The following FAM83B variants were observed in gnomAD, a reference collection of about 807,000 sequenced individuals.
FAM83B encodes protein FAM83B.
In FAM83B, 26 loss-of-function variants were observed where a neutral mutation model predicts 38.8. The observed-to-expected ratio is 0.67, with a 90% CI of 0.49 to 0.93. FAM83B has a LOEUF of 0.93. Among genes scored for constraint, FAM83B ranks in the 40% least tolerant of loss-of-function variants. The pLI, the probability that FAM83B is intolerant of heterozygous loss-of-function variation, is 0.00. For missense variants in FAM83B, 1,237 were observed against 1,197.3 expected (o/e 1.03, Z -0.49); for synonymous variants, 419 against 423.1 (o/e 0.99, Z 0.12).
At chr6:54,910,915 A>G (rs1025480798) in intron 2 of FAM83B, among the ~76,000 whole-genome samples, 1 of 152,148 alleles carries the variant, frequency 6.6e-6, no homozygotes, top group Non-Finnish European at 1.5e-5. Flanking sequence ...AACAGTTTGT[A>G]ATAAGAAAAT....
At position 54,941,643 on chromosome 6, in the gene FAM83B, C is replaced by T; in HGVS notation, c.2672C>T (p.Thr891Ile). The T allele has an allele frequency of 6.2e-7, 1 of 1,614,118 alleles. No individual in the cohort carries two copies. Among genetic ancestry groups the T allele is most frequent in the Non-Finnish European group, 8.5e-7 (1 of 1,180,024 alleles). The change falls in exon 5 of 5, where the codon ACT (threonine) becomes ATT (isoleucine). Residue 891 changes from threonine to isoleucine, a missense_variant. Coordinates refer to ENST00000306858, the MANE Select transcript of FAM83B (RefSeq NM_001010872.3). Reference sequence around the variant, plus strand: ...GATGCCTCTGCCCCAAGATTTAACACTGAACAGATCCAATACCGAGATTCA... The same window carrying T: ...GATGCCTCTGCCCCAAGATTTAACATTGAACAGATCCAATACCGAGATTCA... ...AGDASAPRFN[T>I]EQIQYRDSRE...
At position 54,872,989 on chromosome 6, in the gene FAM83B, A is replaced by G. The variant is rs1370623815; in HGVS notation, c.444+2299A>G. On this transcript the variant is annotated intron_variant, in intron 2 of 4. Transcript: ENST00000306858. ...AACAGACGACTTCGATTTGGTGCACATGGTTTTTGTTTTTAATTTTATTTA... is the reference window on the plus strand; with the variant it reads ...AACAGACGACTTCGATTTGGTGCACGTGGTTTTTGTTTTTAATTTTATTTA... Among the ~76,000 whole-genome samples, 6 of 43,490 alleles carry G rather than the reference A, an allele frequency of 1.4e-4. No homozygotes were observed. In the East Asian group the frequency reaches 6.1e-3, roughly 44 times the overall value. The allele number at this position is 43,490 out of a possible 152,430, so 28.5% of individuals were successfully genotyped here.
chr6:54,855,192 T>A (rs1047632357), intron 1 of FAM83B, among the ~76,000 whole-genome samples: 9 of 152,202 alleles, frequency 5.9e-5, no homozygotes, highest in African/African-American at 2.2e-4. Flanking sequence ...GGCAGCCCCA[T>A]GTACAGTAAA....
intron 2 of FAM83B, among the ~76,000 whole-genome samples, chr6:54,916,318 T>G (rs1001949520): frequency 2.0e-5 from 3 of 152,112 alleles, no homozygotes; most frequent in Non-Finnish European, 4.4e-5. Flanking sequence ...AATAGCTATC[T>G]CGGGACCATG....
chr6:54,926,864 T>C (rs532451242), intron 3 of FAM83B, among the ~76,000 whole-genome samples: 1 of 152,214 alleles, frequency 6.6e-6, no homozygotes, highest in South Asian at 2.1e-4. Flanking sequence ...CTCGAGTAGC[T>C]GGGATTACAG....
intron 2 of FAM83B, among the ~76,000 whole-genome samples, chr6:54,901,233 T>C (rs1273364356): frequency 6.6e-6 from 1 of 152,190 alleles, no homozygotes; most frequent in Non-Finnish European, 1.5e-5. Flanking sequence ...CTCCTCTTAA[T>C]ACATCTACCA....
intron 3 of FAM83B, among the ~76,000 whole-genome samples, chr6:54,926,895 C>A (rs1028506335): frequency 2.6e-5 from 4 of 151,974 alleles, no homozygotes; most frequent in Non-Finnish European, 5.9e-5. Flanking sequence ...CCATGCCCAG[C>A]TAATTTTTTT....
rs1332353225 is a variant in FAM83B, at chr6:54,928,424, A to G, written c.734+792A>G. Among the ~76,000 whole-genome samples, 5 of 152,196 alleles carry G rather than the reference A, an allele frequency of 3.3e-5. 1 individual carries two copies. The South Asian group carries it at 8.3e-4, about 25-fold the overall frequency. ...TGGTTGCACTTTAGTTTGCTCCGCT[A>G]TAAAATAAATCATAGAACTGGCCTC... On this transcript the variant is annotated intron_variant, in intron 4 of 4. Coordinates refer to ENST00000306858, the MANE Select transcript of FAM83B (RefSeq NM_001010872.3).
At chr6:54,908,565 T>C (rs919271108) in intron 2 of FAM83B, among the ~76,000 whole-genome samples, 2 of 151,936 alleles carry the variant, frequency 1.3e-5, no homozygotes, top group Admixed American at 1.3e-4. Flanking sequence ...CCATAATGGG[T>C]TTAGGTGCTT....
At chr6:54,923,917 A>G (rs1336475600) in intron 2 of FAM83B, among the ~76,000 whole-genome samples, 2 of 151,166 alleles carry the variant, frequency 1.3e-5, no homozygotes, top group Non-Finnish European at 3.0e-5. Flanking sequence ...TTGCCTACTA[A>G]AAGATATTGT....
At chr6:54,888,798 T>A (rs1021335554) in intron 2 of FAM83B, among the ~76,000 whole-genome samples, 1 of 151,990 alleles carries the variant, frequency 6.6e-6, no homozygotes, top group Non-Finnish European at 1.5e-5. Context: ...TCCTGCTGTT[T>A]TGGAAATATA....
intron 2 of FAM83B, among the ~76,000 whole-genome samples, chr6:54,906,487 C>A (rs1286722369): frequency 6.6e-6 from 1 of 152,064 alleles, no homozygotes; most frequent in Non-Finnish European, 1.5e-5. Flanking sequence ...TGAGTTCAAG[C>A]GATTCTCCTG....
chr6:54,943,838 G>C lies in FAM83B; in HGVS notation c.*1831G>C, dbSNP rs773853693. The C allele has an allele frequency of 5.3e-5, 8 of 152,160 alleles. No individual in the cohort carries two copies. The highest frequency in any genetic ancestry group is 3.3e-4 in the Admixed American group (5 of 15,284). The allele number at this position is 152,160 out of a possible 1,614,324, so 9.4% of individuals were successfully genotyped here. On this transcript the variant is annotated 3_prime_UTR_variant, in exon 5 of 5. Transcript: ENST00000306858. Reference sequence around the variant, plus strand: ...TAAAACTGAAATTATATAAAGAGTAGAAGTTTAATCATGTTTAATTACAAC... The same window carrying C: ...TAAAACTGAAATTATATAAAGAGTACAAGTTTAATCATGTTTAATTACAAC...
intron 1 of FAM83B, among the ~76,000 whole-genome samples, chr6:54,859,711 C>T (rs1173290606): frequency 1.3e-5 from 2 of 152,148 alleles, no homozygotes; most frequent in Non-Finnish European, 2.9e-5. Flanking sequence ...TAATTAAGTA[C>T]ATCTAGTTAT....
At chr6:54,902,797 A>T (rs891014173) in intron 2 of FAM83B, among the ~76,000 whole-genome samples, 1 of 152,058 alleles carries the variant, frequency 6.6e-6, no homozygotes, top group Non-Finnish European at 1.5e-5. Flanking sequence ...GAATTTTTCA[A>T]GGAGTGCTGA....
chr6:54,868,210 G>A (rs1392737164), intron 1 of FAM83B, among the ~76,000 whole-genome samples: 1 of 152,100 alleles, frequency 6.6e-6, no homozygotes, highest in Non-Finnish European at 1.5e-5. Flanking sequence ...TGTCAACCTT[G>A]GCACTGTTGA....
intron 2 of FAM83B, among the ~76,000 whole-genome samples, chr6:54,881,757 TTTTA>T (rs1423407924): frequency 6.6e-6 from 1 of 152,144 alleles, no homozygotes; most frequent in African/African-American, 2.4e-5. Flanking sequence ...TTCTATTCTT[TTTTA>T]TTTATTTATT....
chr6:54,849,764 A>G (rs185169594), intron 1 of FAM83B, among the ~76,000 whole-genome samples: 2 of 122,852 alleles, frequency 1.6e-5, no homozygotes, highest in Admixed American at 1.6e-4. Context: ...AAGTCCCCTA[A>G]GGGCACATGA....
chr6:54,926,322 C>T, intron 2 of FAM83B, 49 bp from the exon 3 acceptor site: 1 of 1,279,856 alleles, frequency 7.8e-7, no homozygotes, highest in South Asian at 1.7e-5. Context: ...TTTCTTAAAT[C>T]TTTCTCTATC....
Sources: allele counts gnomAD v4.1 joint callset (sites outside exome capture counted in the v4.1 genomes callset), GRCh38; gene constraint gnomAD v4.1.1; transcripts MANE v1.5; gene names NCBI Gene and HGNC (gene_info 2026-07-23, HGNC 2026-07-21).